Variants in MPST observed in about 807,000 individuals in gnomAD.
The protein encoded by MPST is 3-mercaptopyruvate sulfurtransferase.
In MPST, 27 loss-of-function variants were observed where a neutral mutation model predicts 28.5. That is an observed-to-expected ratio of 0.95 (90% CI 0.70 to 1.31). The LOEUF is 1.31. Ranked by LOEUF, MPST falls within the 50% of genes most tolerant of loss-of-function variation. MPST has a pLI of 0.00. For synonymous variants in MPST, 204 were observed against 209.3 expected (o/e 0.97, Z 0.22); for missense variants, 492 against 471.1 (o/e 1.04, Z -0.41).
Position 37,024,500 on chromosome 22 carries a change from C to A in MPST, c.345C>A (p.Thr115=), listed in dbSNP as rs774631906. The change falls in exon 2 of 3, where the codon ACC becomes ACA. Residue 115 remains threonine (T), a synonymous_variant. Coordinates refer to ENST00000429360, the MANE Select transcript of MPST (RefSeq NM_021126.8). ...YAGRLGVGAA[T]HVVIYDASDQ... The stretch of plus-strand genomic sequence containing the variant: ...GCCGCCTGGGCGTGGGCGCGGCCAC[C>A]CACGTCGTGATCTACGACGCCAGCG... 165 of 1,562,934 alleles carry A rather than the reference C, an allele frequency of 1.1e-4. 1 individual carries two copies. Among genetic ancestry groups the A allele is most frequent in the Non-Finnish European group, 1.4e-4 (162 of 1,158,092 alleles).
Position 37,029,529 on chromosome 22 carries a change from C to T in MPST, c.*15C>T, listed in dbSNP as rs775756658. 6.3e-6 allele frequency: 10 copies of T among 1,578,592 alleles called. No individual in the cohort carries two copies. The South Asian group carries it at 1.0e-4, about 16-fold the overall frequency. ...AGACCCACTGAAGCTGGGCAGGACA[C>T]AGGCGAGCTCAGGTGATGCCGGCCA... On this transcript the variant is annotated 3_prime_UTR_variant, in exon 3 of 3. Transcript: ENST00000429360.
intron 2 of MPST, chr22:37,028,530 C>CAA (rs561525740): frequency 1.9e-4 from 21 of 109,348 alleles, no homozygotes; most frequent in African/African-American, 5.6e-4. Flanking sequence ...AACTCCATCT[C>CAA]AAAAAAAAAA....
intron 1 of MPST, among the ~76,000 whole-genome samples, chr22:37,021,793 A>G (rs1923096996): frequency 1.3e-5 from 2 of 152,138 alleles, no homozygotes; most frequent in Non-Finnish European, 2.9e-5. Flanking sequence ...AATGATTATT[A>G]AAACCAGCCA....
chr22:37,019,850 G>A lies in MPST; in HGVS notation c.14G>A (p.Gly5Glu). MAEP[G>E]SRESETRARS... is the part of the protein sequence containing the mutation. ...GCCGCGGGGGCCATGGCGGAGCCAG[G>A]AAGCCGGGAGTCCGAGACCCGGGTA... Residue 5 changes from glycine (G) to glutamate (E), a missense_variant, in exon 1 of 3, where the codon GGA becomes GAA. Physicochemically the swap from Gly to Glu is moderately conservative, Grantham distance 98. Transcript: ENST00000429360. 8.2e-7 allele frequency: 1 copy of A among 1,222,072 alleles called. No individual in the cohort carries two copies. Among genetic ancestry groups the A allele is most frequent in the Non-Finnish European group, 1.0e-6 (1 of 976,508 alleles). The allele number at this position is 1,222,072 out of a possible 1,614,324, so 75.7% of individuals were successfully genotyped here. A position where few individuals can be genotyped will look rare whatever the true frequency, so the allele number is the denominator to read the frequency against.
intron 1 of MPST, among the ~76,000 whole-genome samples, chr22:37,020,590 C>T (rs1160082546): frequency 6.6e-6 from 1 of 152,176 alleles, no homozygotes; most frequent in South Asian, 2.1e-4. Flanking sequence ...CTGGGGGACA[C>T]CATTGCCCCT....
At chr22:37,024,113 C>T (rs928656058) in intron 1 of MPST, 79 bp from the exon 2 acceptor site, 12 of 1,317,170 alleles carry the variant, frequency 9.1e-6, no homozygotes, top group Non-Finnish European at 8.8e-6. Flanking sequence ...CGCCGGCCCT[C>T]GCCCATGCTC....
At chr22:37,028,039 G>T (rs559559108) in intron 2 of MPST, 1 of 152,292 alleles carries the variant, frequency 6.6e-6, no homozygotes, top group Admixed American at 6.5e-5. Context: ...GAATTTTGGG[G>T]TGGATTCAAG....
At chr22:37,023,878 G>A (rs771118015) in intron 1 of MPST, 117 of 1,476,374 alleles carry the variant, frequency 7.9e-5, no homozygotes, top group South Asian at 2.8e-4. Flanking sequence ...GAAGCCAGCA[G>A]GGCCTTGCCC....
rs1400647324 is a variant in MPST at position 37,024,568 on chromosome 22, G to A, written c.413G>A (p.Arg138His). ...GCCCCGCGCGTCTGGTGGATGTTCCGCGCCTTCGGCCACCACGCCGTGTCA... is the reference window on the plus strand; with the variant it reads ...GCCCCGCGCGTCTGGTGGATGTTCCACGCCTTCGGCCACCACGCCGTGTCA... Reference protein sequence around the residue: ...YSAPRVWWMFRAFGHHAVSLL... With the variant: ...YSAPRVWWMFHAFGHHAVSLL... The change falls in exon 2 of 3, where the codon CGC becomes CAC. Residue 138 changes from arginine to histidine, a missense_variant. Coordinates refer to ENST00000429360, the MANE Select transcript of MPST (RefSeq NM_021126.8). 3 of 1,583,854 alleles carry A rather than the reference G, an allele frequency of 1.9e-6. No homozygotes were observed. Among genetic ancestry groups the A allele is most frequent in the South Asian group, 1.1e-5 (1 of 88,788 alleles).
intron 2 of MPST, chr22:37,026,990 G>A (rs1039491117): frequency 1.3e-5 from 2 of 152,474 alleles, no homozygotes; most frequent in African/African-American, 4.8e-5. Context: ...TTTTGCTCTT[G>A]TTTCCCAGCT....
Position 37,019,891 on chromosome 22 carries a change from C to A in MPST, c.36+19C>A. 3.4e-6 allele frequency: 4 copies of A among 1,192,538 alleles called. No individual in the cohort carries two copies. The highest frequency in any genetic ancestry group is 4.2e-6 in the Non-Finnish European group (4 of 950,438). The allele number at this position is 1,192,538 out of a possible 1,614,324, so 73.9% of individuals were successfully genotyped here. On this transcript the variant is annotated intron_variant, in intron 1 of 2. Coordinates refer to ENST00000429360, the MANE Select transcript of MPST (RefSeq NM_021126.8). ...GACCCGGGTAACTGCCGCGGCGTGG[C>A]GGCTTGCCTTTCTGGAGGGGGAGGG...
Position 37,024,623 on chromosome 22 carries a change from G to A in MPST, c.468G>A (p.Leu156=), listed in dbSNP as rs765142134. ...TTGATGGCGGCCTCCGCCACTGGCT[G>A]CGCCAGAACCTCCCGCTCAGCTCCG... ...SLLDGGLRHW[L]RQNLPLSSGK... The change falls in exon 2 of 3, where the codon CTG becomes CTA. Residue 156 remains leucine, a synonymous_variant. Coordinates refer to ENST00000429360, the MANE Select transcript of MPST (RefSeq NM_021126.8). The A allele has an allele frequency of 6.3e-7, 1 of 1,594,606 alleles. No individual in the cohort carries two copies. Among genetic ancestry groups the A allele is most frequent in the African/African-American group, 1.3e-5 (1 of 74,854 alleles).
chr22:37,019,915 G>A (rs1051387840), intron 1 of MPST, 43 bp downstream of exon 1: 6 of 1,077,898 alleles, frequency 5.6e-6, no homozygotes, highest in Non-Finnish European at 7.1e-6. Flanking sequence ...GGAGGGGGAG[G>A]GAGTGGCTCT....
At chr22:37,023,683 C>A in intron 1 of MPST, 1 of 844,924 alleles carries the variant, frequency 1.2e-6, no homozygotes, top group Non-Finnish European at 1.5e-6. Flanking sequence ...AGGCATTGTT[C>A]TAGGATATTG....
rs1280729258 is a variant in MPST at position 37,019,846 on chromosome 22, C to T, written c.10C>T (p.Pro4Ser). The change falls in exon 1 of 3, where the codon CCA becomes TCA. Residue 4 changes from proline (P) to serine (S), a missense_variant. Transcript: ENST00000429360. ...CCGCGCCGCGGGGGCCATGGCGGAG[C>T]CAGGAAGCCGGGAGTCCGAGACCCG... MAE[P>S]GSRESETRAR... 8.2e-7 allele frequency: 1 copy of T among 1,220,190 alleles called. No individual in the cohort carries two copies. Among genetic ancestry groups the T allele is most frequent in the Non-Finnish European group, 1.0e-6 (1 of 975,172 alleles). 75.6% of individuals were successfully genotyped at this position (1,220,190 alleles called of 1,614,324 possible). A position where few individuals can be genotyped will look rare whatever the true frequency, so the allele number is the denominator to read the frequency against.
At chr22:37,020,164 A>C (rs567780250) in intron 1 of MPST, 1 of 363,452 alleles carries the variant, frequency 2.8e-6, no homozygotes, top group Admixed American at 4.7e-5. Context: ...CCGCTGACCC[A>C]GAGGCCCCAG....
At chr22:37,024,850 G>T (rs1923401946) in intron 2 of MPST, 40 bp downstream of exon 2, 1 of 1,589,042 alleles carries the variant, frequency 6.3e-7, no homozygotes, top group Non-Finnish European at 8.5e-7. Flanking sequence ...TCGGGGGCGC[G>T]GCCTCTACGC....
intron 1 of MPST, among the ~76,000 whole-genome samples, chr22:37,021,262 T>A (rs1923051114): frequency 6.6e-6 from 1 of 152,166 alleles, no homozygotes; most frequent in South Asian, 2.1e-4. Flanking sequence ...ACCTGGTTTC[T>A]ACCCCTCCCT....
Position 37,025,050 on chromosome 22 carries a change from C to T in MPST, c.655+240C>T, listed in dbSNP as rs937456810. 2.7e-6 allele frequency: 4 copies of T among 1,505,290 alleles called. 1 individual carries two copies. Among genetic ancestry groups the T allele is most frequent in the Non-Finnish European group, 3.6e-6 (4 of 1,113,196 alleles). The allele number at this position is 1,505,290 out of a possible 1,614,324, so 93.2% of individuals were successfully genotyped here. A position where few individuals can be genotyped will look rare whatever the true frequency, so the allele number is the denominator to read the frequency against. On this transcript the variant is annotated intron_variant, in intron 2 of 2. Transcript: ENST00000429360. ...GGAGTGCAGTGGCACAATCATGGCT[C>T]ACTGCAGCCTCAACCTCCTGGGCTC...
Sources: allele counts gnomAD v4.1 joint callset (sites outside exome capture counted in the v4.1 genomes callset), GRCh38; gene constraint gnomAD v4.1.1; transcripts MANE v1.5; gene names NCBI Gene and HGNC (gene_info 2026-07-23, HGNC 2026-07-21).